RASAL3: variants seen among roughly 807,000 people sequenced by gnomAD.
The protein encoded by RASAL3 is RAS protein activator like-3.
A neutral mutation model predicts 105.5 loss-of-function variants in RASAL3; 74 were observed. The ratio of observed to expected loss-of-function variants is 0.70; its 90% confidence interval spans 0.58 to 0.85. RASAL3 has a LOEUF of 0.85. Ranked by LOEUF, RASAL3 falls within the 40% of genes least tolerant of loss-of-function variation. RASAL3 has a pLI of 0.00. For synonymous variants in RASAL3, 579 were observed against 591.6 expected (o/e 0.98, Z 0.31); for missense variants, 1,352 against 1,392.0 (o/e 0.97, Z 0.46).
Position 15,452,686 on chromosome 19 carries a change from G to A in RASAL3, c.2800C>T (p.Gln934Ter), listed in dbSNP as rs1450362728. ...GCACGGAGCCTGGAGTCCAGATCCT[G>A]CAGCTGGCCCCGCAGCTGCTCCTGC... ...EQQEQLRGQL[Q>*]DLDSRLRAGS... The change falls in exon 16 of 18, where the codon CAG becomes TAG. Residue 934 changes from glutamine (Q) to a stop codon, truncating the protein, a stop_gained. Coordinates refer to ENST00000343625, the MANE Select transcript of RASAL3 (RefSeq NM_022904.3). LOFTEE classifies it high-confidence loss of function. 2 of 1,551,128 alleles carry A rather than the reference G, an allele frequency of 1.3e-6. No homozygotes were observed. The highest frequency in any genetic ancestry group is 4.9e-5 in the East Asian group (2 of 41,054).
At chr19:15,463,176 C>T (rs1438341989) in intron 2 of RASAL3, among the ~76,000 whole-genome samples, 5 of 151,732 alleles carry the variant, frequency 3.3e-5, no homozygotes, top group African/African-American at 9.7e-5. Flanking sequence ...ACCTCCACCT[C>T]CCGGGTTCAA....
intron 16 of RASAL3, 80 bp downstream of exon 16, chr19:15,452,573 TTTGGG>T: frequency 1.3e-6 from 1 of 782,800 alleles, no homozygotes; most frequent in Non-Finnish European, 1.6e-6. Context: ...CTAGGCGTGG[TTTGGG>T]GGGGGGGGGG....
At chr19:15,461,443 C>T in intron 3 of RASAL3, 28 bp downstream of exon 3, 4 of 1,542,588 alleles carry the variant, frequency 2.6e-6, no homozygotes, top group African/African-American at 1.4e-5. Flanking sequence ...TTCTTCCCTC[C>T]TCCCCTTTCC....
chr19:15,462,055 T>A (rs1248880097), intron 2 of RASAL3, among the ~76,000 whole-genome samples: 1 of 152,076 alleles, frequency 6.6e-6, no homozygotes, highest in Non-Finnish European at 1.5e-5. Flanking sequence ...TCCAAGAGGT[T>A]AAAAAACAGG....
At chr19:15,459,603 T>G (rs763505018) in intron 6 of RASAL3, among the ~76,000 whole-genome samples, 3 of 151,918 alleles carry the variant, frequency 2.0e-5, no homozygotes, top group Admixed American at 6.6e-5. Context: ...AGTGGCATGA[T>G]CTCTGTGCAC....
At position 15,454,325 on chromosome 19, in the gene RASAL3, G is replaced by A. The variant is rs780465690; in HGVS notation, c.2160+36C>T. On this transcript the variant is annotated intron_variant, in intron 13 of 17. Transcript: ENST00000343625. ...AGTCTCCAGGGTCAGAGTCTCCCAA[G>A]CCTTCTTGCCTCCCTACTCTGGGTT... 1.8e-5 allele frequency: 29 copies of A among 1,581,376 alleles called. No individual in the cohort carries two copies. The South Asian group carries it at 3.3e-4, about 18-fold the overall frequency.
Position 15,456,754 on chromosome 19 carries a change from C to T in RASAL3, c.1432-108G>A. 3.8e-6 allele frequency: 5 copies of T among 1,331,274 alleles called. No individual in the cohort carries two copies. Among genetic ancestry groups the T allele is most frequent in the Non-Finnish European group, 5.1e-6 (5 of 971,918 alleles). The allele number at this position is 1,331,274 out of a possible 1,614,324, so 82.5% of individuals were successfully genotyped here. ...GAGGCACAGGCCCCGCCCCTTGTAG[C>T]TGATGCTTAGGCCCAGTCCTTACTG... On this transcript the variant is annotated intron_variant, in intron 9 of 17. Coordinates refer to ENST00000343625, the MANE Select transcript of RASAL3 (RefSeq NM_022904.3). This position sits in a 1 kb window ranked among gnomAD's most constrained non-coding sequence, Gnocchi z 4.4.
Position 15,464,164 on chromosome 19 carries a change from C to T in RASAL3, c.195G>A (p.Ser65=). ...GCGCAGATAGGACCCGACGGAATAT[C>T]GAGCGAGGGGCTGGCTGGGTGCTGA... ...PMVSTQPAPR[S]IFRRVLSAPP... Residue 65 remains serine, a synonymous_variant, in exon 2 of 18, where the codon TCG becomes TCA. Coordinates refer to ENST00000343625, the MANE Select transcript of RASAL3 (RefSeq NM_022904.3). The T allele has an allele frequency of 6.2e-7, 1 of 1,613,278 alleles. No individual in the cohort carries two copies. Among genetic ancestry groups the T allele is most frequent in the Non-Finnish European group, 8.5e-7 (1 of 1,179,774 alleles).
rs1442484950 is a variant in RASAL3, at chr19:15,453,064, C to T, written c.2670+43G>A. The T allele has an allele frequency of 1.2e-6, 2 of 1,611,046 alleles. No individual in the cohort carries two copies. The highest frequency in any genetic ancestry group is 2.7e-5 in the African/African-American group (2 of 74,844). On this transcript the variant is annotated intron_variant, in intron 15 of 17. Transcript: ENST00000343625. This position sits in a 1 kb window ranked among gnomAD's most constrained non-coding sequence, Gnocchi z 4.2. ...GCCCTTCAGTCTTCCCCAGTCGCGT[C>T]CCTGTTCCCACTCCCCAGGCGCGGA...
In RASAL3 at chr19:15,464,151, C is replaced by A. The variant is rs931748374; in HGVS notation, c.208G>T (p.Val70Phe). 1.2e-6 allele frequency: 2 copies of A among 1,613,516 alleles called. No individual in the cohort carries two copies. The highest frequency in any genetic ancestry group is 2.2e-5 in the South Asian group (2 of 91,040). The change falls in exon 2 of 18, where the codon GTC becomes TTC. Residue 70 changes from valine to phenylalanine, a missense_variant. By Grantham distance (50) the Val-to-Phe change is conservative. Around this residue, in one of 3 missense-constraint regions of RASAL3, gnomAD observed 344 missense variants for 339.6 expected, o/e 1.01. Transcript: ENST00000343625. ...QPAPRSIFRR[V>F]LSAPPKESRT... ...GACTCCTTGGGAGGCGCAGATAGGA[C>A]CCGACGGAATATCGAGCGAGGGGCT...
Position 15,451,863 on chromosome 19 carries a change from T to C in RASAL3, c.2968A>G (p.Arg990Gly). The change falls in exon 18 of 18, where the codon AGG becomes GGG. Residue 990 changes from arginine (R) to glycine (G), a missense_variant. Arg to Gly is a moderately radical substitution (Grantham distance 125, BLOSUM62 -2). Transcript: ENST00000343625. Reference sequence around the variant, plus strand: ...GGTTGACTCCAAGACCCCCGCGTCCTTGGAGAAAGCTGCAGGCTCTGGACA... The same window carrying C: ...GGTTGACTCCAAGACCCCCGCGTCCCTGGAGAAAGCTGCAGGCTCTGGACA... The part of the protein sequence containing the change: ...DAVQSLQLSP[R>G]TRGSWSQPQP... 1.2e-6 allele frequency: 2 copies of C among 1,609,214 alleles called. No individual in the cohort carries two copies. Among genetic ancestry groups the C allele is most frequent in the Non-Finnish European group, 1.7e-6 (2 of 1,176,142 alleles).
At position 15,461,549 on chromosome 19, in the gene RASAL3, T is replaced by A. The variant is rs1446636273; in HGVS notation, c.387A>T (p.Thr129=). 5 of 1,533,894 alleles carry A rather than the reference T, an allele frequency of 3.3e-6. No homozygotes were observed. The highest frequency in any genetic ancestry group is 2.8e-5 in the African/African-American group (2 of 71,572). ...CAATGTCCCAGACAGGCACGTTGGG[T>A]GTGGGGGCCTCAGGGATCTGTGGGG... is the stretch of plus-strand genomic sequence containing the variant. ...PPTPQIPEAP[T]PNVPVWDIGG... The change falls in exon 3 of 18, where the codon ACA becomes ACT. Residue 129 remains threonine, a synonymous_variant. Coordinates refer to ENST00000343625, the MANE Select transcript of RASAL3 (RefSeq NM_022904.3).
In RASAL3 at chr19:15,451,839, G is replaced by T. The variant is rs1599729065; in HGVS notation, c.2992C>A (p.Pro998Thr). 6.2e-7 allele frequency: 1 copy of T among 1,606,682 alleles called. No individual in the cohort carries two copies. Among genetic ancestry groups the T allele is most frequent in the East Asian group, 2.2e-5 (1 of 44,642 alleles). The change falls in exon 18 of 18, where the codon CCC becomes ACC. Residue 998 changes from proline (P) to threonine (T), a missense_variant. Coordinates refer to ENST00000343625, the MANE Select transcript of RASAL3 (RefSeq NM_022904.3). ...SPRTRGSWSQPQPLKAPCLNG... is the reference protein window; with the variant it reads ...SPRTRGSWSQTQPLKAPCLNG... ...AGGCAGGGTGCTTTGAGGGGCTGGGGTTGACTCCAAGACCCCCGCGTCCTT... is the reference window on the plus strand; with the variant it reads ...AGGCAGGGTGCTTTGAGGGGCTGGGTTTGACTCCAAGACCCCCGCGTCCTT...
At chr19:15,463,992 C>T (rs1970591081) in intron 2 of RASAL3, 39 bp downstream of exon 2, 2 of 1,504,180 alleles carry the variant, frequency 1.3e-6, no homozygotes, top group Non-Finnish European at 1.8e-6. Context: ...CATCCGGCTT[C>T]CCAGCCCGGC....
rs1970621287 is a variant in RASAL3 at position 15,464,539 on chromosome 19, G to A, written c.-54C>T. On this transcript the variant is annotated 5_prime_UTR_variant, in exon 1 of 18. The change creates a new upstream start codon in the 5' untranslated region. Transcript: ENST00000343625. ...CTGACCAGCCCCAGAATCAGCAGCC[G>A]TCTGCACCCCGCCTGGCTTCCTCCC... is the stretch of plus-strand genomic sequence containing the variant. 3 of 651,870 alleles carry A rather than the reference G, an allele frequency of 4.6e-6. No homozygotes were observed. Among genetic ancestry groups the A allele is most frequent in the African/African-American group, 3.7e-5 (2 of 54,664 alleles). The allele number at this position is 651,870 out of a possible 1,614,324, so 40.4% of individuals were successfully genotyped here. A position where few individuals can be genotyped will look rare whatever the true frequency, so the allele number is the denominator to read the frequency against.
intron 2 of RASAL3, among the ~76,000 whole-genome samples, chr19:15,463,708 A>G (rs1970581252): frequency 6.6e-6 from 1 of 152,200 alleles, no homozygotes; most frequent in Non-Finnish European, 1.5e-5. Context: ...ATGGATATCC[A>G]GGTAGGAAAG....
intron 8 of RASAL3, 54 bp downstream of exon 8, chr19:15,458,274 C>T: frequency 1.3e-6 from 2 of 1,529,166 alleles, no homozygotes; most frequent in Non-Finnish European, 1.8e-6. Context: ...GTGGAAGGGG[C>T]GGGCCAGGCC....
At position 15,454,681 on chromosome 19, in the gene RASAL3, A is replaced by G. The variant is rs748031832; in HGVS notation, c.1934T>C (p.Ile645Thr). Residue 645 changes from isoleucine to threonine, a missense_variant, in exon 12 of 18, where the codon ATC (isoleucine) becomes ACC (threonine). Coordinates refer to ENST00000343625, the MANE Select transcript of RASAL3 (RefSeq NM_022904.3). ...ARTLTLIAKVIQNLANRAPFG... is the reference protein window; with the variant it reads ...ARTLTLIAKVTQNLANRAPFG... ...CGGGGCACGGTTGGCGAGGTTCTGG[A>G]TGACCTTGGCAATCAGTGTGAGGGT... 1 of 1,609,504 alleles carries G rather than the reference A, an allele frequency of 6.2e-7. No individual in the cohort carries two copies. The highest frequency in any genetic ancestry group is 8.5e-7 in the Non-Finnish European group (1 of 1,176,908).
intron 16 of RASAL3, 150 bp from the exon 17 acceptor site, chr19:15,452,258 A>T: frequency 1.4e-6 from 1 of 733,332 alleles, no homozygotes; most frequent in Non-Finnish European, 2.4e-6. Context: ...ATGCTTGAAG[A>T]AGGGTCGGAC....
Sources: allele counts gnomAD v4.1 joint callset (sites outside exome capture counted in the v4.1 genomes callset), GRCh38; gene constraint gnomAD v4.1.1; regional missense constraint gnomAD v4.1.1; non-coding constraint Gnocchi (gnomAD v3.1); transcripts MANE v1.5; gene names NCBI Gene and HGNC (gene_info 2026-07-23, HGNC 2026-07-21).